Variants in TP53BP2 observed in about 807,000 individuals in gnomAD.
TP53BP2 encodes tumor protein p53 binding protein 2.
Under a neutral mutation model 126.2 loss-of-function variants are expected in TP53BP2, and 62 were observed. The ratio of observed to expected loss-of-function variants is 0.49; its 90% confidence interval spans 0.40 to 0.61. TP53BP2 has a LOEUF of 0.61. Among genes scored for constraint, TP53BP2 ranks in the 20% least tolerant of loss-of-function variants. The probability of loss-of-function intolerance (pLI) is 0.00; values close to 1 mark genes in which losing one functional copy is unlikely to be tolerated. For missense variants in TP53BP2, 1,215 were observed against 1,402.8 expected, an observed-to-expected ratio of 0.87 and a Z score of 2.14; for synonymous variants, 485 against 502.9, an observed-to-expected ratio of 0.96 and a Z score of 0.48.
chr1:223,800,197 A>AGGCCGGGCGCGGTGGCTC, intron 10 of TP53BP2, 150 bp from the exon 11 acceptor site: 2 of 780,120 alleles, frequency 2.6e-6, no homozygotes, highest in African/African-American at 3.5e-5. Context: ...AGGATAACCC[A>AGGCCGGGCGCGGTGGCTC]AGCACTATAA....
chr1:223,812,413 G>C (rs950171168), intron 3 of TP53BP2, among the ~76,000 whole-genome samples: 1 of 152,050 alleles, frequency 6.6e-6, no homozygotes, highest in African/African-American at 2.4e-5. Context: ...ACGGAGTCTC[G>C]CTCTGTCGCC....
chr1:223,824,386 C>G (rs1405907881), intron 1 of TP53BP2, among the ~76,000 whole-genome samples: 5 of 152,202 alleles, frequency 3.3e-5, no homozygotes, highest in Non-Finnish European at 4.4e-5. Flanking sequence ...CCCGCTTCTA[C>G]CTGTAATGTA....
intron 1 of TP53BP2, among the ~76,000 whole-genome samples, chr1:223,844,389 A>C (rs1025444521): frequency 2.6e-5 from 4 of 152,232 alleles, no homozygotes; most frequent in African/African-American, 9.6e-5. Context: ...TACTGTTAGG[A>C]AAAATTCACA....
chr1:223,835,699 C>T (rs1231191303), intron 1 of TP53BP2, among the ~76,000 whole-genome samples: 1 of 152,168 alleles, frequency 6.6e-6, no homozygotes, highest in Non-Finnish European at 1.5e-5. Flanking sequence ...AATATTCATT[C>T]ATCCATTAAC....
In TP53BP2 at chr1:223,789,150, T is replaced by C; in HGVS notation, c.3021A>G (p.Ser1007=). The C allele has an allele frequency of 1.2e-6, 2 of 1,614,180 alleles. No individual in the cohort carries two copies. Among genetic ancestry groups the C allele is most frequent in the Non-Finnish European group, 1.7e-6 (2 of 1,180,008 alleles). Residue 1007 remains serine (S), a synonymous_variant, in exon 16 of 18, where the codon TCA becomes TCG. Transcript: ENST00000343537. The stretch of plus-strand genomic sequence containing the variant: ...ACTTACACACTTGGACGTTGTTACA[T>C]GAGGCAGCACAATGTAATGGAGTCC... ...DGWTPLHCAA[S]CNNVQVCKFL...
chr1:223,800,110 T>G, intron 10 of TP53BP2, 63 bp from the exon 11 acceptor site: 1 of 1,479,274 alleles, frequency 6.8e-7, no homozygotes, highest in Non-Finnish European at 9.0e-7. Flanking sequence ...CATTCACTCG[T>G]AAGTTTCTCT....
intron 7 of TP53BP2, 69 bp downstream of exon 7, chr1:223,803,202 C>G: frequency 6.6e-7 from 1 of 1,504,714 alleles, no homozygotes; most frequent in East Asian, 2.3e-5. Flanking sequence ...GCACCTCTTG[C>G]TACTTATATG....
chr1:223,800,344 T>G (rs1662486542), intron 10 of TP53BP2, among the ~76,000 whole-genome samples: 1 of 152,154 alleles, frequency 6.6e-6, no homozygotes, highest in Non-Finnish European at 1.5e-5. Flanking sequence ...CCAAGCACTT[T>G]GGGAAGTGGA....
rs1488023973 is a variant in TP53BP2, at chr1:223,798,362, G to A, written c.1801C>T (p.Leu601Phe). ...FTPQPSKDTL[L>F]PPFRKPQTVA... ...GTCTGGGGTTTTCTGAAGGGTGGAA[G>A]TAAGGTGTCTTTGGAAGGCTGGGGA... Residue 601 changes from leucine to phenylalanine, a missense_variant, in exon 12 of 18, where the codon CTT becomes TTT. Leu to Phe is a conservative substitution (Grantham distance 22). This residue lies in a region of TP53BP2 where 814 missense variants were observed against 853.0 expected (regional missense o/e 0.95). Coordinates refer to ENST00000343537, the MANE Select transcript of TP53BP2 (RefSeq NM_001031685.3). 6.2e-7 allele frequency: 1 copy of A among 1,614,082 alleles called. No homozygotes were observed. Among genetic ancestry groups the A allele is most frequent in the Non-Finnish European group, 8.5e-7 (1 of 1,180,050 alleles).
At chr1:223,793,583 C>T in intron 13 of TP53BP2, 143 bp from the exon 14 acceptor site, 3 of 910,842 alleles carry the variant, frequency 3.3e-6, no homozygotes, top group Non-Finnish European at 4.7e-6. Context: ...TGAAGTATAA[C>T]ATTATTCAGA....
chr1:223,804,203 T>C lies in TP53BP2; in HGVS notation c.620A>G (p.Glu207Gly), dbSNP rs1280186780. Residue 207 changes from glutamate (E) to glycine (G), a missense_variant, in exon 6 of 18, where the codon GAA becomes GGA. Transcript: ENST00000343537. ...KKVRALKGHV[E>G]QKRLSNGKLV... ...TTTCCCATTGCTTAGTCTCTTCTGTTCCACGTGGCCTTTAAGTGCTCTCAC... is the reference window on the plus strand; with the variant it reads ...TTTCCCATTGCTTAGTCTCTTCTGTCCCACGTGGCCTTTAAGTGCTCTCAC... 3 of 1,613,442 alleles carry C rather than the reference T, an allele frequency of 1.9e-6. No individual in the cohort carries two copies. In the East Asian group the frequency reaches 6.7e-5, roughly 36 times the overall value.
rs954970069 is a variant in TP53BP2, at chr1:223,807,051, T to C, written c.373-104A>G. 24 of 723,644 alleles carry C rather than the reference T, an allele frequency of 3.3e-5. No homozygotes were observed. In the Admixed American group the frequency reaches 6.2e-4, roughly 19 times the overall value. The allele number at this position is 723,644 out of a possible 1,614,324, so 44.8% of individuals were successfully genotyped here. ...GTAAAAGCTTCATATGAACCAACTA[T>C]GACAAAATTATTTAGCGATTTTTCT... On this transcript the variant is annotated intron_variant, in intron 4 of 17. Transcript: ENST00000343537.
chr1:223,791,927 G>A lies in TP53BP2; in HGVS notation c.2996+462C>T, dbSNP rs1487559968. Among the ~76,000 whole-genome samples the A allele has an allele frequency of 5.3e-5, 8 of 152,082 alleles. 1 individual carries two copies. In the East Asian group the frequency reaches 1.2e-3, roughly 22 times the overall value. On this transcript the variant is annotated intron_variant, in intron 15 of 17. Transcript: ENST00000343537. ...ACTCATCACTTGCAGTACCGCTTGC[G>A]TTTTACGTACACCCTGGTTCCACGA...
At chr1:223,844,581 T>G (rs1183685973) in intron 1 of TP53BP2, among the ~76,000 whole-genome samples, 2 of 152,220 alleles carry the variant, frequency 1.3e-5, no homozygotes, top group Admixed American at 1.3e-4. Flanking sequence ...ATTAATACTT[T>G]CAAATTCCTT....
At chr1:223,804,886 A>G (rs1662663328) in intron 5 of TP53BP2, among the ~76,000 whole-genome samples, 1 of 152,212 alleles carries the variant, frequency 6.6e-6, no homozygotes, top group Non-Finnish European at 1.5e-5. Flanking sequence ...TGAAGTGTGA[A>G]ATGTAAATGT....
chr1:223,841,002 C>T (rs577784852), intron 1 of TP53BP2, among the ~76,000 whole-genome samples: 14 of 152,172 alleles, frequency 9.2e-5, no homozygotes, highest in Non-Finnish European at 1.6e-4. Flanking sequence ...CCTGTAATCC[C>T]AGCACTTTGG....
At position 223,822,782 on chromosome 1, in the gene TP53BP2, C is replaced by CA. The variant is rs113194628; in HGVS notation, c.28-1416dup. Among the ~76,000 whole-genome samples the CA allele has an allele frequency of 1.4e-3, 199 of 143,744 alleles. 1 individual carries two copies. The highest frequency in any genetic ancestry group is 0.011 in the Middle Eastern group (3 of 278). 94.3% of individuals were successfully genotyped at this position (143,744 alleles called of 152,430 possible). ...TAAATTTTTCACACCTATTAAATTA[C>CA]AAAAAAAAAAATCTTGTTAATTTCC... On this transcript the variant is annotated intron_variant, in intron 1 of 17. Transcript: ENST00000343537.
chr1:223,831,077 G>A lies in TP53BP2; in HGVS notation c.28-9710C>T, dbSNP rs893971914. Among the ~76,000 whole-genome samples the A allele has an allele frequency of 5.4e-5, 8 of 147,334 alleles. No individual in the cohort carries two copies. The East Asian group carries it at 9.8e-4, about 18-fold the overall frequency. On this transcript the variant is annotated intron_variant, in intron 1 of 17. Transcript: ENST00000343537. Reference sequence around the variant, plus strand: ...CGCGCCACTGCACTCCAGCCTGGGAGAGAGAGTGAGACTCTTTCTCAAAAA... The same window carrying A: ...CGCGCCACTGCACTCCAGCCTGGGAAAGAGAGTGAGACTCTTTCTCAAAAA...
intron 2 of TP53BP2, among the ~76,000 whole-genome samples, chr1:223,820,431 T>G (rs1208715204): frequency 6.6e-6 from 1 of 152,330 alleles, no homozygotes; most frequent in East Asian, 1.9e-4. Context: ...TCTAATCTGG[T>G]TCCTATGTAA....
Sources: gnomAD v4.1 joint callset for allele counts (sites outside exome capture counted in the v4.1 genomes callset) on GRCh38, gnomAD v4.1.1 for gene constraint, gnomAD v4.1.1 regional missense constraint, MANE v1.5 for transcripts, NCBI Gene and HGNC (gene_info 2026-07-23, HGNC 2026-07-21) for gene names.